The following SERPINB11 variants were observed in gnomAD, a reference collection of about 807,000 sequenced individuals.
The protein encoded by SERPINB11 is serpin family B member 11, also known as serpin B11.
In SERPINB11, 32 loss-of-function variants were observed where a neutral mutation model predicts 36.7. The observed-to-expected ratio is 0.87, with a 90% confidence interval of 0.66 to 1.17. The LOEUF (loss-of-function observed/expected upper bound fraction) is 1.17, where lower values mean the gene tolerates loss of function less well. SERPINB11 is among the 50% of genes most tolerant of loss of function. SERPINB11 has a pLI of 0.00. For synonymous variants in SERPINB11, 174 were observed against 168.1 expected (o/e 1.04, Z -0.27); for missense variants, 528 against 458.4 (o/e 1.15, Z -1.39).
chr18:63,721,905 G>A (rs1568188690), intron 7 of SERPINB11, among the ~76,000 whole-genome samples: 3 of 152,234 alleles, frequency 2.0e-5, no homozygotes, highest in Admixed American at 6.5e-5. Flanking sequence ...AGGGCCTGTG[G>A]TTGACTGGAG....
intron 5 of SERPINB11, among the ~76,000 whole-genome samples, chr18:63,718,737 T>C (rs1292414074): frequency 2.0e-5 from 3 of 152,122 alleles, no homozygotes; most frequent in Admixed American, 2.0e-4. Context: ...TGATGAGCTC[T>C]CAATAGTATC....
At chr18:63,716,632 C>T (rs1434321716) in intron 5 of SERPINB11, among the ~76,000 whole-genome samples, 1 of 152,084 alleles carries the variant, frequency 6.6e-6, no homozygotes, top group Non-Finnish European at 1.5e-5. Context: ...TATATTGCAG[C>T]AAATTCTAGA....
At position 63,716,283 on chromosome 18, in the gene SERPINB11, C is replaced by A. The variant is rs1169928365; in HGVS notation, c.475+131C>A. ...CAGATCAGCAAGAAAGGAATGGGGC[C>A]ATATTTTGGAATACCCCTTACAATC... On this transcript the variant is annotated intron_variant, in intron 5 of 7. Transcript: ENST00000544088. 6 of 520,030 alleles carry A rather than the reference C, an allele frequency of 1.2e-5. No individual in the cohort carries two copies. The East Asian group carries it at 1.9e-4, about 17-fold the overall frequency. 32.2% of individuals were successfully genotyped at this position (520,030 alleles called of 1,614,324 possible).
In SERPINB11 at chr18:63,716,030, C is replaced by T. The variant is rs781679643; in HGVS notation, c.358-5C>T. 23 of 1,575,532 alleles carry T rather than the reference C, an allele frequency of 1.5e-5. No homozygotes were observed. The highest frequency in any genetic ancestry group is 2.0e-5 in the Non-Finnish European group (23 of 1,148,766). ...ATTGTTGTTCAATTATCATGTCTTT[C>T]ATAGCAATATTTAAGCTGTTCTGAG... On this transcript the variant is annotated splice_polypyrimidine_tract_variant and splice_region_variant and intron_variant, in intron 4 of 7. Coordinates refer to ENST00000544088, the MANE Select transcript of SERPINB11 (RefSeq NM_001370475.1).
intron 7 of SERPINB11, among the ~76,000 whole-genome samples, chr18:63,722,526 C>T (rs1327991713): frequency 6.6e-6 from 1 of 152,156 alleles, no homozygotes; most frequent in African/African-American, 2.4e-5. Flanking sequence ...CTACCAGAAA[C>T]AGTGACAGAG....
In SERPINB11 at chr18:63,716,189, T is replaced by C. The variant is rs770730244; in HGVS notation, c.475+37T>C. On this transcript the variant is annotated intron_variant, in intron 5 of 7. Coordinates refer to ENST00000544088, the MANE Select transcript of SERPINB11 (RefSeq NM_001370475.1). The stretch of plus-strand genomic sequence containing the variant: ...TCAATATGTGTCTCTAAACTCTGTG[T>C]TGTGTTGATAAGCAACCTGAGTCCA... 7 of 1,380,400 alleles carry C rather than the reference T, an allele frequency of 5.1e-6. No individual in the cohort carries two copies. In the East Asian group the frequency reaches 7.2e-5, roughly 14 times the overall value. 85.5% of individuals were successfully genotyped at this position (1,380,400 alleles called of 1,614,324 possible). A position where few individuals can be genotyped will look rare whatever the true frequency, so the allele number is the denominator to read the frequency against.
intron 4 of SERPINB11, among the ~76,000 whole-genome samples, chr18:63,713,219 A>G (rs1914574659): frequency 6.6e-6 from 1 of 152,176 alleles, no homozygotes; most frequent in Admixed American, 6.5e-5. Flanking sequence ...ATGTAGTTTT[A>G]TTGAGTATTT....
At chr18:63,707,273 A>T (rs1405063524) in intron 1 of SERPINB11, among the ~76,000 whole-genome samples, 1 of 152,178 alleles carries the variant, frequency 6.6e-6, no homozygotes, top group Non-Finnish European at 1.5e-5. Context: ...CTGTCTGGGG[A>T]GAGAGAAGAA....
Position 63,719,886 on chromosome 18 carries a change from GTTC to G in SERPINB11, c.476-122_476-120del, listed in dbSNP as rs565237733. The G allele has an allele frequency of 2.9e-4, 197 of 674,472 alleles. 1 individual carries two copies. The highest frequency in any genetic ancestry group is 1.3e-3 in the Middle Eastern group (3 of 2,322). 41.8% of individuals were successfully genotyped at this position (674,472 alleles called of 1,614,324 possible). ...GCTCCATGGCCAGGAGATGAAAGGA[GTTC>G]TTCTGGTATCTCAAATTTACAATTA... On this transcript the variant is annotated intron_variant, in intron 5 of 7. Transcript: ENST00000544088.
At chr18:63,715,178 T>C (rs1803547015) in intron 4 of SERPINB11, among the ~76,000 whole-genome samples, 1 of 152,196 alleles carries the variant, frequency 6.6e-6, no homozygotes, top group African/African-American at 2.4e-5. Context: ...TCAGTTCATG[T>C]TGGGGCATTG....
In SERPINB11 at chr18:63,723,029, A is replaced by T. The variant is rs768917067; in HGVS notation, c.809A>T (p.Glu270Val). 1.8e-5 allele frequency: 28 copies of T among 1,590,448 alleles called. No homozygotes were observed. The highest frequency in any genetic ancestry group is 2.4e-5 in the Non-Finnish European group (28 of 1,170,494). The change falls in exon 8 of 8, where the codon GAG (glutamate) becomes GTG (valine). Residue 270 changes from glutamate to valine, a missense_variant. Transcript: ENST00000544088. ...EKQLNSGTFH[E>V]WTSSSNMMER... ...CAGCTGAATTCGGGGACGTTTCATG[A>T]GTGGACAAGCTCTTCTAACATGATG...
At position 63,711,361 on chromosome 18, in the gene SERPINB11, C is replaced by T; in HGVS notation, c.195C>T (p.Asp65=). 6.2e-7 allele frequency: 1 copy of T among 1,610,898 alleles called. No individual in the cohort carries two copies. The highest frequency in any genetic ancestry group is 2.2e-5 in the East Asian group (1 of 44,816). Residue 65 remains aspartate, a synonymous_variant, in exon 3 of 8, where the codon GAC becomes GAT. Transcript: ENST00000544088. The stretch of plus-strand genomic sequence containing the variant: ...TGCTTCATTTTAGTCATACTGTAGA[C>T]TCATTAAAACCAGGGTTCAAGGACT... The part of the protein sequence containing the change: ...EKVLHFSHTV[D]SLKPGFKDSP...
At chr18:63,711,504 G>A in intron 3 of SERPINB11, 110 bp downstream of exon 3, 1 of 776,656 alleles carries the variant, frequency 1.3e-6, no homozygotes, top group Non-Finnish European at 2.2e-6. Context: ...GAGGGAACCA[G>A]CTATGTGTCC....
In SERPINB11 at chr18:63,716,078, A is replaced by C; in HGVS notation, c.401A>C (p.Gln134Pro). 1 of 1,612,520 alleles carries C rather than the reference A, an allele frequency of 6.2e-7. No homozygotes were observed. Among genetic ancestry groups the C allele is most frequent in the South Asian group, 1.1e-5 (1 of 90,788 alleles). The change falls in exon 5 of 8, where the codon CAA (glutamine) becomes CCA (proline). Residue 134 changes from glutamine (Q) to proline (P), a missense_variant. Coordinates refer to ENST00000544088, the MANE Select transcript of SERPINB11 (RefSeq NM_001370475.1). ...CSEKWYQARL[Q>P]TVDFEQSTEE... ...GAGAAATGGTATCAAGCCAGGTTGC[A>C]AACTGTGGATTTTGAACAGTCTACA...
intron 6 of SERPINB11, chr18:63,720,562 T>C: frequency 9.9e-6 from 4 of 405,458 alleles, no homozygotes; most frequent in Non-Finnish European, 1.7e-5. Flanking sequence ...ACTAAAATCA[T>C]GTTAGCTAAA....
chr18:63,720,649 T>C (rs1914786099), intron 6 of SERPINB11, 182 bp from the exon 7 acceptor site: 3 of 546,212 alleles, frequency 5.5e-6, no homozygotes, highest in Admixed American at 7.1e-5. Context: ...CCATGACTTA[T>C]TTTAAATTAA....
At chr18:63,722,878 A>G in intron 7 of SERPINB11, 117 bp from the exon 8 acceptor site, 1 of 1,026,386 alleles carries the variant, frequency 9.7e-7, no homozygotes. Flanking sequence ...ACTGTATTAA[A>G]GGTAGAAAAA....
chr18:63,721,653 G>A (rs921397584), intron 7 of SERPINB11, among the ~76,000 whole-genome samples: 52 of 152,144 alleles, frequency 3.4e-4, no homozygotes, highest in African/African-American at 9.4e-4. Context: ...TGTGGCACAG[G>A]TGAGCAAGGT....
At chr18:63,712,416 T>C (rs1434485070) in intron 3 of SERPINB11, 149 bp from the exon 4 acceptor site, 10 of 750,482 alleles carry the variant, frequency 1.3e-5, no homozygotes, top group Non-Finnish European at 2.1e-5. Context: ...CTAGCAAAAA[T>C]CCAAGGAAGA....
Sources: allele counts gnomAD v4.1 joint callset (sites outside exome capture counted in the v4.1 genomes callset), GRCh38; gene constraint gnomAD v4.1.1; transcripts MANE v1.5; gene names NCBI Gene and HGNC (gene_info 2026-07-23, HGNC 2026-07-21).